CD44: variants seen among roughly 807,000 people sequenced by gnomAD.
The protein encoded by CD44 is CD44 antigen.
In CD44, 49 loss-of-function variants were observed where a neutral mutation model predicts 88.8. The observed-to-expected ratio is 0.55, with a 90% CI of 0.44 to 0.70. CD44 has a LOEUF of 0.70. Ranked by LOEUF, CD44 falls within the 30% of genes least tolerant of loss-of-function variation. The pLI, the probability that CD44 is intolerant of heterozygous loss-of-function variation, is 0.00. For synonymous variants in CD44, 325 were observed against 312.3 expected (o/e 1.04, Z -0.43); for missense variants, 883 against 913.8 (o/e 0.97, Z 0.43).
At chr11:35,178,673 A>C (rs1340847057) in intron 2 of CD44, among the ~76,000 whole-genome samples, 1 of 152,230 alleles carries the variant, frequency 6.6e-6, no homozygotes, top group Non-Finnish European at 1.5e-5. Context: ...CCGGTAGGCA[A>C]CATGAGGTGG....
At chr11:35,220,613 T>C (rs1023826083) in intron 16 of CD44, among the ~76,000 whole-genome samples, 1 of 152,178 alleles carries the variant, frequency 6.6e-6, no homozygotes, top group African/African-American at 2.4e-5. Flanking sequence ...AAGAGCCTGA[T>C]TTCAAAATGT....
In CD44 at chr11:35,180,318, C is replaced by T; in HGVS notation, c.278C>T (p.Pro93Leu). ...CACGTGGTGATTCCCCGGATCCACC[C>T]CAACTCCATCTGTGCAGCAAACAAC... ...EGHVVIPRIH[P>L]NSICAANNTG... Residue 93 changes from proline to leucine, a missense_variant, in exon 3 of 18, where the codon CCC (proline) becomes CTC (leucine). Pro to Leu is a moderately conservative substitution (Grantham distance 98). This residue lies in a region of CD44 where 252 missense variants were observed against 322.9 expected (regional missense o/e 0.78). Coordinates refer to ENST00000428726, the MANE Select transcript of CD44 (RefSeq NM_000610.4). The T allele has an allele frequency of 6.2e-7, 1 of 1,614,112 alleles. No homozygotes were observed. Among genetic ancestry groups the T allele is most frequent in the Non-Finnish European group, 8.5e-7 (1 of 1,179,988 alleles).
rs1224163132 is a variant in CD44 at position 35,180,310 on chromosome 11, G to A, written c.270G>A (p.Arg90=). Residue 90 remains arginine (R), a synonymous_variant, in exon 3 of 18, where the codon CGG becomes CGA. Coordinates refer to ENST00000428726, the MANE Select transcript of CD44 (RefSeq NM_000610.4). ...TAGAAGGGCACGTGGTGATTCCCCG[G>A]ATCCACCCCAACTCCATCTGTGCAG... The part of the protein sequence containing the change: ...GFIEGHVVIP[R]IHPNSICAAN... The A allele has an allele frequency of 6.2e-7, 1 of 1,614,040 alleles. No homozygotes were observed. The highest frequency in any genetic ancestry group is 1.1e-5 in the South Asian group (1 of 91,078).
intron 17 of CD44, among the ~76,000 whole-genome samples, chr11:35,226,511 A>G (rs1348311208): frequency 1.3e-5 from 2 of 152,226 alleles, no homozygotes; most frequent in African/African-American, 4.8e-5. Context: ...CAGGAGAAAC[A>G]AGCAAAATTC....
chr11:35,202,294 G>T (rs1440665436), intron 9 of CD44, among the ~76,000 whole-genome samples: 1 of 152,106 alleles, frequency 6.6e-6, no homozygotes, highest in Non-Finnish European at 1.5e-5. Flanking sequence ...GTCTTCATTT[G>T]AATTCTACCA....
chr11:35,139,250 G>A lies in CD44; in HGVS notation c.-54G>A. On this transcript the variant is annotated 5_prime_UTR_variant, in exon 1 of 18. Coordinates refer to ENST00000428726, the MANE Select transcript of CD44 (RefSeq NM_000610.4). ...CGTCCTCCGCCGGCCCCTGCCCCGC[G>A]CCCAGGGATCCTCCAGCTCCTTTCG... 6.9e-7 allele frequency: 1 copy of A among 1,449,056 alleles called. No homozygotes were observed. The highest frequency in any genetic ancestry group is 1.4e-5 in the African/African-American group (1 of 71,064). The allele number at this position is 1,449,056 out of a possible 1,614,324, so 89.8% of individuals were successfully genotyped here.
At chr11:35,181,621 G>A (rs1245028807) in intron 3 of CD44, among the ~76,000 whole-genome samples, 1 of 141,906 alleles carries the variant, frequency 7.0e-6, no homozygotes, top group Non-Finnish European at 1.5e-5. Context: ...AGCTGGAAAG[G>A]GACTTAAGAC....
chr11:35,196,631 A>G (rs1292784618), intron 5 of CD44, 115 bp from the exon 6 acceptor site: 18 of 1,125,320 alleles, frequency 1.6e-5, no homozygotes, highest in Non-Finnish European at 1.9e-5. Flanking sequence ...TTCACCATCT[A>G]TATCAAATAT....
Position 35,146,595 on chromosome 11 carries a change from C to T in CD44, c.67+7225C>T, listed in dbSNP as rs891790560. Among the ~76,000 whole-genome samples, 4 of 152,272 alleles carry T rather than the reference C, an allele frequency of 2.6e-5. No homozygotes were observed. The South Asian group carries it at 6.2e-4, about 24-fold the overall frequency. On this transcript the variant is annotated intron_variant, in intron 1 of 17. Transcript: ENST00000428726. ...TGAAGGTGGTGCTGTTATTATCTGT[C>T]TTTTACATATGAGGAAACTGAGGCA...
At position 35,211,336 on chromosome 11, in the gene CD44, A is replaced by T. The variant is rs1948369167; in HGVS notation, c.1697A>T (p.His566Leu). The T allele has an allele frequency of 6.2e-7, 1 of 1,614,006 alleles. No individual in the cohort carries two copies. The highest frequency in any genetic ancestry group is 1.7e-5 in the Admixed American group (1 of 60,018). ...GAAGGTTATACCTCTCATTACCCACACACGAAGGAAAGCAGGACCTTCATC... is the reference window on the plus strand; with the variant it reads ...GAAGGTTATACCTCTCATTACCCACTCACGAAGGAAAGCAGGACCTTCATC... ...LLEGYTSHYP[H>L]TKESRTFIPV... The change falls in exon 14 of 18, where the codon CAC becomes CTC. Residue 566 changes from histidine to leucine, a missense_variant. Physicochemically the swap from His to Leu is moderately conservative, Grantham distance 99. Transcript: ENST00000428726.
intron 16 of CD44, 40 bp downstream of exon 16, chr11:35,219,427 C>T: frequency 6.9e-7 from 1 of 1,442,638 alleles, no homozygotes; most frequent in Admixed American, 1.7e-5. Context: ...ACACTGAAAG[C>T]AGCTTTCTCA....
chr11:35,217,815 T>G (rs1275673878), intron 15 of CD44, among the ~76,000 whole-genome samples: 2 of 152,222 alleles, frequency 1.3e-5, no homozygotes, highest in African/African-American at 4.8e-5. Context: ...AAAAAGTTCA[T>G]TTTGGTGGAA....
At chr11:35,193,358 A>G (rs1431408555) in intron 5 of CD44, among the ~76,000 whole-genome samples, 2 of 152,210 alleles carry the variant, frequency 1.3e-5, no homozygotes, top group Non-Finnish European at 2.9e-5. Context: ...TACGGGTTGG[A>G]CAAGCTTGAT....
intron 4 of CD44, among the ~76,000 whole-genome samples, 170 bp from the exon 5 acceptor site, chr11:35,189,665 G>A (rs1565097524): frequency 6.6e-6 from 1 of 152,114 alleles, no homozygotes; most frequent in East Asian, 1.9e-4. Flanking sequence ...GGTGTGTGGG[G>A]GATGGGAGGG....
At position 35,196,744 on chromosome 11, in the gene CD44, A is replaced by C. The variant is rs762310802; in HGVS notation, c.668-2A>C. 1.2e-6 allele frequency: 2 copies of C among 1,613,488 alleles called. No individual in the cohort carries two copies. Among genetic ancestry groups the C allele is most frequent in the African/African-American group, 2.7e-5 (2 of 74,916 alleles). ...CAATCAATTCAATCATGATTACAAC[A>C]GCTTTGATGAGCACTAGTGCTACAG... On this transcript the variant is annotated splice_acceptor_variant, in intron 5 of 17. Transcript: ENST00000428726. LOFTEE classifies it high-confidence loss of function.
At chr11:35,193,184 A>T (rs1355484223) in intron 5 of CD44, among the ~76,000 whole-genome samples, 1 of 152,200 alleles carries the variant, frequency 6.6e-6, no homozygotes, top group African/African-American at 2.4e-5. Flanking sequence ...TCCCTGGGCC[A>T]CATTGGAAGA....
chr11:35,219,072 G>A (rs150043171), intron 15 of CD44: 186 of 510,396 alleles, frequency 3.6e-4, no homozygotes, highest in African/African-American at 3.2e-3. Context: ...TGAACACTGT[G>A]CAACACTGCT....
chr11:35,142,161 T>C (rs1337435899), intron 1 of CD44, among the ~76,000 whole-genome samples: 2 of 152,020 alleles, frequency 1.3e-5, no homozygotes, highest in Non-Finnish European at 2.9e-5. Context: ...CATCTCCTTG[T>C]CTCTGTGGGT....
intron 4 of CD44, among the ~76,000 whole-genome samples, chr11:35,187,942 C>T (rs1443002234): frequency 6.6e-6 from 1 of 152,166 alleles, no homozygotes; most frequent in Non-Finnish European, 1.5e-5. Context: ...TGGGCTCAAG[C>T]AATCCTCCTT....
Sources: allele counts gnomAD v4.1 joint callset (sites outside exome capture counted in the v4.1 genomes callset), GRCh38; gene constraint gnomAD v4.1.1; regional missense constraint gnomAD v4.1.1; transcripts MANE v1.5; gene names NCBI Gene and HGNC (gene_info 2026-07-23, HGNC 2026-07-21).